Variants in DNAH10 observed in about 807,000 individuals in gnomAD.
DNAH10 encodes dynein axonemal heavy chain 10.
Under a neutral mutation model 506.6 loss-of-function variants are expected in DNAH10, and 348 were observed. The observed-to-expected ratio is 0.69, with a 90% CI of 0.63 to 0.75. DNAH10 has a LOEUF of 0.75. Among genes scored for constraint, DNAH10 ranks in the 30% least tolerant of loss-of-function variants. The pLI is 0.00. For missense variants in DNAH10, 5,179 were observed against 5,787.1 expected (o/e 0.89, Z 3.41); for synonymous variants, 2,059 against 2,198.6 (o/e 0.94, Z 1.78).
At chr12:123,851,271 A>G (rs1269639149) in intron 35 of DNAH10, among the ~76,000 whole-genome samples, 195 bp downstream of exon 35, 2 of 131,580 alleles carry the variant, frequency 1.5e-5, no homozygotes, top group African/African-American at 3.1e-5. Flanking sequence ...GGGACCTAGG[A>G]TGTGTTAGTT....
At chr12:123,901,469 C>A (rs371846703) in intron 56 of DNAH10, among the ~76,000 whole-genome samples, 3 of 152,270 alleles carry the variant, frequency 2.0e-5, no homozygotes, top group Admixed American at 1.3e-4. Context: ...CGGCTTTGCA[C>A]GCTGCAAGTG....
At chr12:123,764,530 A>T (rs1162629719) in intron 1 of DNAH10, among the ~76,000 whole-genome samples, 2 of 152,138 alleles carry the variant, frequency 1.3e-5, no homozygotes, top group Non-Finnish European at 2.9e-5. Flanking sequence ...AATGGATGTG[A>T]CTTGGATTTC....
intron 2 of DNAH10, among the ~76,000 whole-genome samples, chr12:123,770,895 A>G (rs1432261847): frequency 6.6e-6 from 1 of 151,640 alleles, no homozygotes; most frequent in African/African-American, 2.4e-5. Flanking sequence ...TTTCATTTAG[A>G]CTGTTTTTCT....
rs751689524 is a variant in DNAH10 at position 123,918,973 on chromosome 12, A to C, written c.11506+24A>C. 7.6e-6 allele frequency: 12 copies of C among 1,580,574 alleles called. No individual in the cohort carries two copies. The Admixed American group carries it at 2.0e-4, about 27-fold the overall frequency. ...AGGTGAGCTCTCCCCACAGAGGAGG[A>C]CATGTTAGTGTAGTTTGGTGTGCCA... On this transcript the variant is annotated intron_variant, in intron 65 of 78. Transcript: ENST00000673944.
chr12:123,832,939 C>T (rs748274769), intron 26 of DNAH10, among the ~76,000 whole-genome samples, 175 bp from the exon 27 acceptor site: 1 of 152,090 alleles, frequency 6.6e-6, no homozygotes, highest in Non-Finnish European at 1.5e-5. Context: ...TGCCACATAG[C>T]GAATGCTTGA....
At position 123,849,434 on chromosome 12, in the gene DNAH10, C is replaced by A. The variant is rs367944673; in HGVS notation, c.6102+552C>A. On this transcript the variant is annotated intron_variant, in intron 34 of 78. Transcript: ENST00000673944. ...TTTGAGAAGTCTGCATTAAATTACA[C>A]CAGATTAAGCTGGATCCAAATTTGG... Among the ~76,000 whole-genome samples, 17 of 152,292 alleles carry A rather than the reference C, an allele frequency of 1.1e-4. No homozygotes were observed. In the South Asian group the frequency reaches 1.2e-3, roughly 11 times the overall value.
intron 30 of DNAH10, 71 bp from the exon 31 acceptor site, chr12:123,845,529 C>T: frequency 7.0e-6 from 11 of 1,565,134 alleles, no homozygotes; most frequent in Non-Finnish European, 9.5e-6. Flanking sequence ...GAAATAAATT[C>T]CTGAAGGGAC....
At position 123,929,669 on chromosome 12, in the gene DNAH10, CA is replaced by C; in HGVS notation, c.12523del (p.Met4175TrpfsTer4). The C allele has an allele frequency of 6.2e-7, 1 of 1,613,014 alleles. No homozygotes were observed. Reference protein sequence around the residue: ...DFNESDFQVCMEILNTYLTKA... With the variant: ...DFNESDFQVCXEILNTYLTKA... The stretch of plus-strand genomic sequence containing the variant: ...GCGTGTTCTCTTCTTTCAAGGTCTG[CA>C]TGGAAATTCTGAACACGTACTTAAC... On this transcript the variant is annotated frameshift_variant, in exon 72 of 79. Coordinates refer to ENST00000673944, the MANE Select transcript of DNAH10 (RefSeq NM_001372106.1). LOFTEE classifies it high-confidence loss of function.
rs780579708 is a variant in DNAH10 at position 123,796,736 on chromosome 12, A to T, written c.2067A>T (p.Ala689=). ...AGAATCACCCTCCAGTAGCAGGTGC[A>T]ATATACTGGGAACGATCTCTGTTCT... ...LYKNHPPVAG[A]IYWERSLFFR... The change falls in exon 13 of 79, where the codon GCA becomes GCT. Residue 689 remains alanine (A), a synonymous_variant. Coordinates refer to ENST00000673944, the MANE Select transcript of DNAH10 (RefSeq NM_001372106.1). 1.9e-6 allele frequency: 3 copies of T among 1,614,030 alleles called. No homozygotes were observed. In the Admixed American group the frequency reaches 5.0e-5, roughly 27 times the overall value.
In DNAH10 at chr12:123,848,793, A is replaced by C; in HGVS notation, c.6013A>C (p.Asn2005His). ...GGCTTGGGGCTGCTTTGATGAGTTTAATCGAATCGATGCTTCTGTGCTCTC... is the reference window on the plus strand; with the variant it reads ...GGCTTGGGGCTGCTTTGATGAGTTTCATCGAATCGATGCTTCTGTGCTCTC... The part of the protein sequence containing the change: ...CGAWGCFDEF[N>H]RIDASVLSVI... Residue 2005 changes from asparagine to histidine, a missense_variant, in exon 34 of 79, where the codon AAT becomes CAT. Asn to His is a moderately conservative substitution (Grantham distance 68). Coordinates refer to ENST00000673944, the MANE Select transcript of DNAH10 (RefSeq NM_001372106.1). 1 of 1,613,966 alleles carries C rather than the reference A, an allele frequency of 6.2e-7. No homozygotes were observed. Among genetic ancestry groups the C allele is most frequent in the Non-Finnish European group, 8.5e-7 (1 of 1,179,886 alleles).
At chr12:123,813,132 A>G in intron 19 of DNAH10, 32 bp from the exon 20 acceptor site, 5 of 1,536,884 alleles carry the variant, frequency 3.3e-6, no homozygotes, top group Non-Finnish European at 4.4e-6. Flanking sequence ...ATACTAAAAT[A>G]CTGTCTTTTC....
chr12:123,796,371 C>T (rs1958276902), intron 12 of DNAH10, among the ~76,000 whole-genome samples: 1 of 152,104 alleles, frequency 6.6e-6, no homozygotes, highest in South Asian at 2.1e-4. Flanking sequence ...GCAAGAGAAT[C>T]ACTTGAGCCT....
intron 23 of DNAH10, among the ~76,000 whole-genome samples, 183 bp downstream of exon 23, chr12:123,819,433 G>A (rs1959202030): frequency 6.7e-6 from 1 of 150,374 alleles, no homozygotes; most frequent in South Asian, 2.1e-4. Flanking sequence ...CTGGATTAAT[G>A]CGACTCATTG....
Position 123,853,453 on chromosome 12 carries a change from G to A in DNAH10, c.6438+101G>A. The A allele has an allele frequency of 3.6e-6, 5 of 1,402,706 alleles. No homozygotes were observed. The highest frequency in any genetic ancestry group is 4.7e-6 in the Non-Finnish European group (5 of 1,064,568). The allele number at this position is 1,402,706 out of a possible 1,614,324, so 86.9% of individuals were successfully genotyped here. On this transcript the variant is annotated intron_variant, in intron 36 of 78. Coordinates refer to ENST00000673944, the MANE Select transcript of DNAH10 (RefSeq NM_001372106.1). This position sits in a 1 kb window ranked among gnomAD's most constrained non-coding sequence, Gnocchi z 4.7. ...GGGCACAGTATGGTATCACCTGAAA[G>A]GTTTAAGTCTTAGCTGCCTCTTCAC...
intron 14 of DNAH10, among the ~76,000 whole-genome samples, chr12:123,799,925 G>T (rs138457385): frequency 6.6e-6 from 1 of 152,308 alleles, no homozygotes; most frequent in Non-Finnish European, 1.5e-5. Context: ...GGTGGGCTCA[G>T]ATCCGACCAA....
At position 123,850,311 on chromosome 12, in the gene DNAH10, T is replaced by C. The variant is rs138162417; in HGVS notation, c.6103-577T>C. Among the ~76,000 whole-genome samples the C allele has an allele frequency of 7.2e-5, 11 of 152,006 alleles. No homozygotes were observed. Among genetic ancestry groups the C allele is most frequent in the African/African-American group, 2.7e-4 (11 of 41,456 alleles). Reference sequence around the variant, plus strand: ...AGAATATAGGGATTTCCGTGGTTTGTTGGTACCTGGGGCAACCAGAGGAAT... The same window carrying C: ...AGAATATAGGGATTTCCGTGGTTTGCTGGTACCTGGGGCAACCAGAGGAAT... On this transcript the variant is annotated intron_variant, in intron 34 of 78. Coordinates refer to ENST00000673944, the MANE Select transcript of DNAH10 (RefSeq NM_001372106.1). This position sits in a 1 kb window ranked among gnomAD's most constrained non-coding sequence, Gnocchi z 5.5.
intron 19 of DNAH10, among the ~76,000 whole-genome samples, chr12:123,811,231 G>C (rs1292147264): frequency 6.6e-6 from 1 of 152,128 alleles, no homozygotes; most frequent in Non-Finnish European, 1.5e-5. Context: ...GCGTGCTGTT[G>C]GGAGGATTAA....
At chr12:123,864,143 C>CTTTTTTTTTTTT (rs770676668) in intron 39 of DNAH10, among the ~76,000 whole-genome samples, 3 of 117,134 alleles carry the variant, frequency 2.6e-5, no homozygotes, top group Non-Finnish European at 3.4e-5. Context: ...ACTTTTTTTT[C>CTTTTTTTTTTTT]TTTTTTTTTT....
chr12:123,815,347 A>G (rs926463868), intron 21 of DNAH10, among the ~76,000 whole-genome samples: 3 of 152,166 alleles, frequency 2.0e-5, no homozygotes, highest in Non-Finnish European at 2.9e-5. Context: ...TTATTGTTAT[A>G]TAGAAAGACA....
Sources: allele counts gnomAD v4.1 joint callset (sites outside exome capture counted in the v4.1 genomes callset), GRCh38; gene constraint gnomAD v4.1.1; non-coding constraint Gnocchi (gnomAD v3.1); transcripts MANE v1.5; gene names NCBI Gene and HGNC (gene_info 2026-07-23, HGNC 2026-07-21).